NDUFS4: variants seen among roughly 807,000 people sequenced by gnomAD.
The protein encoded by NDUFS4 is NADH dehydrogenase [ubiquinone] iron-sulfur protein 4, mitochondrial.
In NDUFS4, 28 loss-of-function variants were observed where a neutral mutation model predicts 24.3. The ratio of observed to expected loss-of-function variants is 1.15; its 90% CI spans 0.85 to 1.58. The LOEUF (loss-of-function observed/expected upper bound fraction) is 1.58, where lower values mean the gene tolerates loss of function less well. Ranked by LOEUF, NDUFS4 falls within the 40% of genes most tolerant of loss-of-function variation. The pLI is 0.00. For missense variants in NDUFS4, 223 were observed against 207.9 expected (o/e 1.07, Z -0.45); for synonymous variants, 93 against 69.7 (o/e 1.34, Z -1.67).
chr5:53,651,052 G>GT (rs1752002575), intron 3 of NDUFS4, among the ~76,000 whole-genome samples: 1 of 152,124 alleles, frequency 6.6e-6, no homozygotes, highest in Non-Finnish European at 1.5e-5. Context: ...GAAGTAAAAA[G>GT]TTTTTTGAAG....
At chr5:53,575,298 A>G (rs1288389349) in intron 1 of NDUFS4, among the ~76,000 whole-genome samples, 3 of 151,862 alleles carry the variant, frequency 2.0e-5, no homozygotes, top group Non-Finnish European at 2.9e-5. Context: ...TCTGCCTGCT[A>G]TTTCCTTTTC....
chr5:53,590,475 G>A (rs911655836), intron 1 of NDUFS4, among the ~76,000 whole-genome samples: 3 of 152,166 alleles, frequency 2.0e-5, no homozygotes, highest in African/African-American at 7.2e-5. Flanking sequence ...ACATAGGCAA[G>A]CACTAGTAGT....
intron 2 of NDUFS4, among the ~76,000 whole-genome samples, chr5:53,634,640 T>A (rs1751498370): frequency 6.6e-6 from 1 of 151,976 alleles, no homozygotes; most frequent in African/African-American, 2.4e-5. Flanking sequence ...TTTCCTTCCC[T>A]GTGGGTCTTG....
chr5:53,663,419 T>C (rs923132283), intron 4 of NDUFS4, among the ~76,000 whole-genome samples: 5 of 152,184 alleles, frequency 3.3e-5, no homozygotes, highest in African/African-American at 1.2e-4. Context: ...CTGTCTAATG[T>C]TGACAGTGGG....
At chr5:53,586,410 A>G (rs1749756155) in intron 1 of NDUFS4, among the ~76,000 whole-genome samples, 1 of 152,056 alleles carries the variant, frequency 6.6e-6, no homozygotes, top group South Asian at 2.1e-4. Context: ...TCTTTCCTTG[A>G]TTTGAATCTG....
At chr5:53,608,329 G>A (rs2112463324) in intron 2 of NDUFS4, among the ~76,000 whole-genome samples, 1 of 152,306 alleles carries the variant, frequency 6.6e-6, no homozygotes, top group South Asian at 2.1e-4. Flanking sequence ...GGTTGCTGAA[G>A]GTTGGGGTGG....
intron 3 of NDUFS4, among the ~76,000 whole-genome samples, chr5:53,656,923 A>G (rs1752178006): frequency 6.6e-6 from 1 of 152,170 alleles, no homozygotes; most frequent in South Asian, 2.1e-4. Flanking sequence ...GAAATGAAGG[A>G]GAATGAGAAG....
At chr5:53,575,152 G>T (rs1215734914) in intron 1 of NDUFS4, among the ~76,000 whole-genome samples, 2 of 152,154 alleles carry the variant, frequency 1.3e-5, no homozygotes, top group Non-Finnish European at 2.9e-5. Context: ...GCTCCTTGAG[G>T]CCGAGTGCTT....
Position 53,627,057 on chromosome 5 carries a change from G to A in NDUFS4, c.178-19176G>A, listed in dbSNP as rs571947797. On this transcript the variant is annotated intron_variant, in intron 2 of 4. Transcript: ENST00000296684. The stretch of plus-strand genomic sequence containing the variant: ...TTTAATTTATCTTGAGTTAACTTTT[G>A]TATAAGGTGTAAGGAAGGGATCCAG... Among the ~76,000 whole-genome samples the A allele has an allele frequency of 2.1e-4, 32 of 152,168 alleles. No individual in the cohort carries two copies. In the East Asian group the frequency reaches 6.0e-3, roughly 28 times the overall value.
intron 1 of NDUFS4, among the ~76,000 whole-genome samples, chr5:53,587,808 G>C (rs1315668531): frequency 6.6e-6 from 1 of 151,958 alleles, no homozygotes; most frequent in Non-Finnish European, 1.5e-5. Flanking sequence ...TGAACTCTTG[G>C]GCTCAAGGGA....
chr5:53,608,957 A>G (rs575098703), intron 2 of NDUFS4, among the ~76,000 whole-genome samples: 13 of 152,318 alleles, frequency 8.5e-5, no homozygotes, highest in Admixed American at 2.6e-4. Context: ...GCATTTCTCT[A>G]TTCAGATCCA....
At chr5:53,665,874 T>C (rs1360640504) in intron 4 of NDUFS4, among the ~76,000 whole-genome samples, 1 of 152,168 alleles carries the variant, frequency 6.6e-6, no homozygotes, top group Non-Finnish European at 1.5e-5. Context: ...ATGAACCCGG[T>C]ACCTCAGTTG....
At chr5:53,627,828 C>G (rs1010991695) in intron 2 of NDUFS4, among the ~76,000 whole-genome samples, 43 of 152,288 alleles carry the variant, frequency 2.8e-4, no homozygotes, top group African/African-American at 1.0e-3. Flanking sequence ...CATCTGCAAG[C>G]AGAGACAATT....
At chr5:53,565,973 A>C (rs959870851) in intron 1 of NDUFS4, among the ~76,000 whole-genome samples, 5 of 152,014 alleles carry the variant, frequency 3.3e-5, no homozygotes, top group Non-Finnish European at 7.4e-5. Context: ...GGAGTTCGAG[A>C]CCAGCCTGGC....
At chr5:53,600,107 C>T (rs1196749253) in intron 1 of NDUFS4, among the ~76,000 whole-genome samples, 9 of 150,750 alleles carry the variant, frequency 6.0e-5, no homozygotes, top group Non-Finnish European at 8.8e-5. Flanking sequence ...TCAAGTGATT[C>T]TCCTATCTCA....
intron 2 of NDUFS4, among the ~76,000 whole-genome samples, chr5:53,631,842 C>T (rs1223541857): frequency 6.6e-6 from 1 of 152,144 alleles, no homozygotes; most frequent in African/African-American, 2.4e-5. Flanking sequence ...CCAAGCCAGG[C>T]ACCGATGGGA....
In NDUFS4 at chr5:53,560,693, A is replaced by G; in HGVS notation, c.31A>G (p.Arg11Gly). The G allele has an allele frequency of 6.2e-7, 1 of 1,614,220 alleles. No homozygotes were observed. Among genetic ancestry groups the G allele is most frequent in the South Asian group, 1.1e-5 (1 of 91,078 alleles). Residue 11 changes from arginine (R) to glycine (G), a missense_variant, in exon 1 of 5, where the codon AGG becomes GGG. Arg to Gly is a moderately radical substitution (Grantham distance 125). Coordinates refer to ENST00000296684, the MANE Select transcript of NDUFS4 (RefSeq NM_002495.4). MAAVSMSVVL[R>G]QTLWRRRAVA... ...GGCGGTGTCAATGTCAGTGGTACTG[A>G]GGCAGACGTTGTGGCGGAGAAGGGC...
At chr5:53,637,943 A>T (rs182266667) in intron 2 of NDUFS4, among the ~76,000 whole-genome samples, 209 of 152,254 alleles carry the variant, frequency 1.4e-3, no homozygotes, top group Admixed American at 1.4e-3. Flanking sequence ...GAATCAAAAT[A>T]TATAGTAACT....
At chr5:53,642,352 C>T (rs1048629779) in intron 2 of NDUFS4, among the ~76,000 whole-genome samples, 1 of 152,064 alleles carries the variant, frequency 6.6e-6, no homozygotes, top group African/African-American at 2.4e-5. Context: ...GATATATAGC[C>T]ACAAAAGTAA....
Sources: gnomAD v4.1 joint callset for allele counts (sites outside exome capture counted in the v4.1 genomes callset) on GRCh38, gnomAD v4.1.1 for gene constraint, MANE v1.5 for transcripts, NCBI Gene and HGNC (gene_info 2026-07-23, HGNC 2026-07-21) for gene names.